The following ZPLD1 variants were observed in gnomAD, a reference collection of about 807,000 sequenced individuals.
ZPLD1 encodes the protein zona pellucida-like domain-containing protein 1.
In ZPLD1, 34 loss-of-function variants were observed where a neutral mutation model predicts 47.2. The ratio of observed to expected loss-of-function variants is 0.72; its 90% confidence interval spans 0.55 to 0.96. The LOEUF (loss-of-function observed/expected upper bound fraction) is 0.96. Among genes scored for constraint, ZPLD1 ranks in the 40% least tolerant of loss-of-function variants. ZPLD1 has a pLI of 0.00. For synonymous variants in ZPLD1, 176 were observed against 186.2 expected (o/e 0.95, Z 0.45); for missense variants, 512 against 505.8 (o/e 1.01, Z -0.12).
intron 8 of ZPLD1, among the ~76,000 whole-genome samples, chr3:102,424,551 G>A (rs1188804179): frequency 5.3e-5 from 8 of 152,098 alleles, no homozygotes; most frequent in Non-Finnish European, 1.2e-4. Context: ...ATTTCCTCTT[G>A]TTTGCTACTT....
chr3:102,451,418 TTTTG>T (rs1259263244), intron 3 of ZPLD1, among the ~76,000 whole-genome samples: 2 of 152,202 alleles, frequency 1.3e-5, no homozygotes, highest in Non-Finnish European at 2.9e-5. Flanking sequence ...CATAATCAGT[TTTTG>T]TTTGTTTCTA....
At chr3:102,427,623 A>G (rs1559748029) in intron 8 of ZPLD1, among the ~76,000 whole-genome samples, 2 of 152,200 alleles carry the variant, frequency 1.3e-5, no homozygotes, top group African/African-American at 2.4e-5. Flanking sequence ...TCTCTAGGGC[A>G]ATACTTCATT....
chr3:102,441,997 C>T lies in ZPLD1; in HGVS notation c.106+3404C>T, dbSNP rs151170907. Reference sequence around the variant, plus strand: ...AGAAACAGGGACATAAGGCTACCATCTCCCTTGATGTTTACATTTCAAAGA... The same window carrying T: ...AGAAACAGGGACATAAGGCTACCATTTCCCTTGATGTTTACATTTCAAAGA... On this transcript the variant is annotated intron_variant, in intron 3 of 11. Transcript: ENST00000466937. 7.1e-4 allele frequency among the ~76,000 whole-genome samples: 108 copies of T among 152,284 alleles called. 1 individual carries two copies. The East Asian group carries it at 0.016, about 23-fold the overall frequency.
intron 7 of ZPLD1, among the ~76,000 whole-genome samples, chr3:102,396,533 G>A (rs1360993672): frequency 6.6e-6 from 1 of 152,062 alleles, no homozygotes; most frequent in Non-Finnish European, 1.5e-5. Context: ...CTGATTTTTA[G>A]CTACATAAAA....
chr3:102,453,835 A>T (rs1373029561), intron 4 of ZPLD1, among the ~76,000 whole-genome samples: 1 of 152,230 alleles, frequency 6.6e-6, no homozygotes, highest in Non-Finnish European at 1.5e-5. Context: ...TGCATTGAAC[A>T]CCAAAAATAG....
intron 10 of ZPLD1, among the ~76,000 whole-genome samples, chr3:102,473,014 A>G (rs1707707888): frequency 6.6e-6 from 1 of 152,164 alleles, no homozygotes; most frequent in African/African-American, 2.4e-5. Context: ...CGTATCTTAA[A>G]TGGTGGCAGG....
At position 102,407,762 on chromosome 3, in the gene ZPLD1, A is replaced by G. The variant is rs140915945; in HGVS notation, c.-156-10298A>G. ...AAAAATAAGAGAGACATCGTTTTTA[A>G]TACTGTGTTTATTGTCCTGAATGCC... On this transcript the variant is annotated intron_variant, in intron 7 of 17. Transcript: ENST00000491959. Among the ~76,000 whole-genome samples, 404 of 151,794 alleles carry G rather than the reference A, an allele frequency of 2.7e-3. 2 individuals carry two copies. The highest frequency in any genetic ancestry group is 9.4e-3 in the African/African-American group (388 of 41,490).
chr3:102,406,751 A>G (rs1449764712), intron 7 of ZPLD1, among the ~76,000 whole-genome samples: 1 of 151,972 alleles, frequency 6.6e-6, no homozygotes, highest in African/African-American at 2.4e-5. Context: ...AATGTTTTAA[A>G]AAGAATGACT....
At chr3:102,442,256 T>C (rs1220682698) in intron 3 of ZPLD1, among the ~76,000 whole-genome samples, 4 of 151,930 alleles carry the variant, frequency 2.6e-5, no homozygotes, top group East Asian at 3.9e-4. Context: ...TTAGGTACTA[T>C]CTGGCTTAGG....
chr3:102,452,256 T>A (rs537085797), intron 3 of ZPLD1, among the ~76,000 whole-genome samples: 1,184 of 57,336 alleles, frequency 0.021, 19 homozygotes, highest in African/African-American at 0.076. Flanking sequence ...TTTAGGTCAT[T>A]TTTTTTTTTT....
chr3:102,468,522 G>A (rs1010409516), intron 8 of ZPLD1, among the ~76,000 whole-genome samples: 6 of 152,224 alleles, frequency 3.9e-5, no homozygotes, highest in South Asian at 4.2e-4. Context: ...TTTAAAAGGC[G>A]AGGTACCACA....
rs1019938165 is a variant in ZPLD1 at position 102,404,763 on chromosome 3, G to A, written c.-157+12538G>A. On this transcript the variant is annotated intron_variant, in intron 7 of 17. Coordinates refer to the ZPLD1 transcript ENST00000491959. Reference sequence around the variant, plus strand: ...GTCTGTATTTCCAGTTCAACTCTAAGTGCTTGGACACTAGAAAGTTGTTCT... The same window carrying A: ...GTCTGTATTTCCAGTTCAACTCTAAATGCTTGGACACTAGAAAGTTGTTCT... 3.3e-5 allele frequency among the ~76,000 whole-genome samples: 5 copies of A among 151,966 alleles called. No individual in the cohort carries two copies. In the South Asian group the frequency reaches 1.0e-3, roughly 31 times the overall value.
intron 7 of ZPLD1, among the ~76,000 whole-genome samples, chr3:102,397,918 C>G (rs1466809759): frequency 6.6e-6 from 1 of 152,102 alleles, no homozygotes; most frequent in African/African-American, 2.4e-5. Context: ...TTTGCAAAAC[C>G]TTTACTTGTT....
At chr3:102,398,024 A>ATG (rs1706576796) in intron 7 of ZPLD1, among the ~76,000 whole-genome samples, 1 of 152,110 alleles carries the variant, frequency 6.6e-6, no homozygotes, top group Non-Finnish European at 1.5e-5. Context: ...CTTAAGATAA[A>ATG]TGTGTGTGTG....
At chr3:102,391,284 C>G (rs763816989) in intron 6 of ZPLD1, among the ~76,000 whole-genome samples, 10 of 152,032 alleles carry the variant, frequency 6.6e-5, no homozygotes, top group Admixed American at 3.9e-4. Flanking sequence ...TCAAACCTGC[C>G]CCAGACTAAA....
At chr3:102,432,639 C>T (rs537324522), upstream of ZPLD1, among the ~76,000 whole-genome samples, 3 of 151,970 alleles carry the variant, frequency 2.0e-5, no homozygotes, top group Admixed American at 6.5e-5. Flanking sequence ...TTTCAGGTCA[C>T]AGGGGTGCTA....
Position 102,477,439 on chromosome 3 carries a change from G to A in ZPLD1, c.1073-4G>A, listed in dbSNP as rs750514861. ...TACAACCGGGTGTGTTTTATTATTT[G>A]CAGGTTCTCCAAGTATGCCTCCCTT... On this transcript the variant is annotated splice_polypyrimidine_tract_variant and splice_region_variant and intron_variant, in intron 11 of 11. Transcript: ENST00000466937. 6.2e-6 allele frequency: 10 copies of A among 1,609,644 alleles called. No homozygotes were observed. In the Admixed American group the frequency reaches 1.5e-4, roughly 25 times the overall value.
chr3:102,394,680 C>T (rs534762170), intron 7 of ZPLD1, among the ~76,000 whole-genome samples: 153 of 152,198 alleles, frequency 1.0e-3, no homozygotes, highest in African/African-American at 3.5e-3. Flanking sequence ...CCTTAGGATG[C>T]GGTCATCTGT....
intron 7 of ZPLD1, among the ~76,000 whole-genome samples, chr3:102,404,178 A>G (rs749402542): frequency 6.6e-6 from 1 of 151,952 alleles, no homozygotes; most frequent in Non-Finnish European, 1.5e-5. Flanking sequence ...GATGTCTACA[A>G]TCTCACCCAC....
Sources: allele counts gnomAD v4.1 joint callset (sites outside exome capture counted in the v4.1 genomes callset), GRCh38; gene constraint gnomAD v4.1.1; transcripts MANE v1.5; gene names NCBI Gene and HGNC (gene_info 2026-07-23, HGNC 2026-07-21).